Variants in DYDC2 observed in about 807,000 individuals in gnomAD.
The protein encoded by DYDC2 is DPY30 domain-containing protein 2.
DYDC2 carries 19 observed loss-of-function variants against 18.7 expected under a neutral mutation model. The ratio of observed to expected loss-of-function variants is 1.02; its 90% CI spans 0.71 to 1.49. DYDC2 has a LOEUF of 1.49. Ranked by LOEUF, DYDC2 falls within the 40% of genes most tolerant of loss-of-function variation. DYDC2 has a pLI of 0.00. For synonymous variants in DYDC2, 63 were observed against 67.6 expected (o/e 0.93, Z 0.34); for missense variants, 179 against 205.1 (o/e 0.87, Z 0.78).
chr10:80,354,306 G>A (rs1186638993), upstream of DYDC2: 1 of 150,914 alleles, frequency 6.6e-6, no homozygotes, highest in Non-Finnish European at 1.5e-5. Flanking sequence ...GGCCACAATA[G>A]TGAAATGCTG....
intron 4 of DYDC2, among the ~76,000 whole-genome samples, chr10:80,365,717 G>C (rs1003601718): frequency 3.9e-5 from 6 of 152,132 alleles, no homozygotes; most frequent in African/African-American, 1.2e-4. Flanking sequence ...ACTGAAGCTT[G>C]TTTGTTTTTT....
intron 1 of DYDC2, among the ~76,000 whole-genome samples, chr10:80,346,298 A>G (rs569601740): frequency 6.6e-6 from 1 of 152,254 alleles, no homozygotes; most frequent in African/African-American, 2.4e-5. Context: ...TGAGAAGAGG[A>G]ATTACTGGGT....
chr10:80,348,497 G>T (rs10749562), intron 1 of DYDC2, among the ~76,000 whole-genome samples: 119,338 of 152,246 alleles, frequency 0.78, 47,752 homozygotes, highest in East Asian at 0.97. Context: ...CTTTATACAC[G>T]TCCAGTGCTG....
chr10:80,352,239 G>GA (rs1190662772), upstream of DYDC2, among the ~76,000 whole-genome samples: 1 of 152,040 alleles, frequency 6.6e-6, no homozygotes, highest in African/African-American at 2.4e-5. Context: ...TAAATCTATA[G>GA]AAAAAAGACT....
intron 1 of DYDC2, among the ~76,000 whole-genome samples, chr10:80,346,444 C>CTTT (rs1032729095): frequency 0.021 from 1,734 of 83,272 alleles, 155 homozygotes; most frequent in East Asian, 0.085. Flanking sequence ...TCTTCCCTTT[C>CTTT]TTTTTTTTTT....
intron 4 of DYDC2, among the ~76,000 whole-genome samples, chr10:80,363,320 G>A (rs574271544): frequency 6.9e-6 from 1 of 145,798 alleles, no homozygotes; most frequent in East Asian, 2.0e-4. Context: ...GGTGTTACTG[G>A]TTTTAAAAAA....
At chr10:80,352,946 G>T (rs1411098800), upstream of DYDC2, among the ~76,000 whole-genome samples, 3 of 152,040 alleles carry the variant, frequency 2.0e-5, no homozygotes, top group Non-Finnish European at 4.4e-5. Flanking sequence ...TGAAAAATGG[G>T]TATCATCATC....
intron 4 of DYDC2, among the ~76,000 whole-genome samples, chr10:80,363,347 T>C (rs1036753433): frequency 2.3e-5 from 3 of 131,974 alleles, no homozygotes; most frequent in African/African-American, 8.8e-5. Flanking sequence ...TTTTTTTTTT[T>C]TTTTTTTTTT....
At position 80,358,040 on chromosome 10, in the gene DYDC2, C is replaced by T; in HGVS notation, c.-15C>T. 1.0e-6 allele frequency: 1 copy of T among 985,562 alleles called. No individual in the cohort carries two copies. Among genetic ancestry groups the T allele is most frequent in the Non-Finnish European group, 1.2e-6 (1 of 830,072 alleles). The allele number at this position is 985,562 out of a possible 1,614,324, so 61.1% of individuals were successfully genotyped here. ...AAACACTGAAAAATAGCCTCTCCCC[C>T]CATTGGTGAGTGTACCCTAAGTTGG... On this transcript the variant is annotated 5_prime_UTR_variant, in exon 2 of 5. Transcript: ENST00000256039.
chr10:80,352,667 A>T (rs1207653709), upstream of DYDC2: 2 of 1,540,202 alleles, frequency 1.3e-6, no homozygotes, highest in Non-Finnish European at 1.7e-6. Flanking sequence ...GTCACTATAA[A>T]ACTAAAGTCC....
chr10:80,347,798 T>A (rs1046555567), intron 1 of DYDC2, among the ~76,000 whole-genome samples: 1 of 152,240 alleles, frequency 6.6e-6, no homozygotes, highest in Non-Finnish European at 1.5e-5. Context: ...CTCTATTCTG[T>A]TCCACTGGTC....
intron 2 of DYDC2, among the ~76,000 whole-genome samples, chr10:80,359,814 G>T (rs576681050): frequency 1.8e-4 from 28 of 152,250 alleles, no homozygotes; most frequent in Admixed American, 6.5e-4. Context: ...GCGCCCACCC[G>T]GAACTTGCGC....
At position 80,367,079 on chromosome 10, in the gene DYDC2, T is replaced by C; in HGVS notation, c.*128T>C. The C allele has an allele frequency of 8.9e-7, 1 of 1,128,638 alleles. No individual in the cohort carries two copies. 69.9% of individuals were successfully genotyped at this position (1,128,638 alleles called of 1,614,324 possible). On this transcript the variant is annotated 3_prime_UTR_variant, in exon 5 of 5. Transcript: ENST00000256039. ...GGGACTCTCCAGCCTACTCCTTTTC[T>C]GAAAAACCCTTAATCATGTGAACAT...
At chr10:80,358,950 G>A (rs188704848) in intron 2 of DYDC2, among the ~76,000 whole-genome samples, 1 of 152,330 alleles carries the variant, frequency 6.6e-6, no homozygotes, top group Admixed American at 6.5e-5. Context: ...TTTGCAGTGA[G>A]TGTTACAGCT....
chr10:80,359,804 G>A (rs746904211), intron 2 of DYDC2, among the ~76,000 whole-genome samples: 3 of 152,172 alleles, frequency 2.0e-5, no homozygotes, highest in East Asian at 1.9e-4. Context: ...CACCAAGCCC[G>A]CGCCCACCCG....
At chr10:80,363,337 T>G (rs976682645) in intron 4 of DYDC2, among the ~76,000 whole-genome samples, 2 of 9,772 alleles carry the variant, frequency 2.0e-4, no homozygotes, top group African/African-American at 1.8e-3. Flanking sequence ...AAAAAATCTG[T>G]TTTTTTTTTT....
At chr10:80,351,777 T>G in intron 1 of DYDC2, 1 of 831,298 alleles carries the variant, frequency 1.2e-6, no homozygotes, top group East Asian at 2.5e-5. Flanking sequence ...TCCATAAAGA[T>G]GAAGATATTA....
In DYDC2 at chr10:80,356,923, C is replaced by A. The variant is rs1392255426; in HGVS notation, c.-163+98C>A. ...AGCAGGCGGCAGAGTAGAGGGGGCGCGGCAGAGTAGAGGGGGCGCGGCAGA... is the reference window on the plus strand; with the variant it reads ...AGCAGGCGGCAGAGTAGAGGGGGCGAGGCAGAGTAGAGGGGGCGCGGCAGA... On this transcript the variant is annotated intron_variant, in intron 1 of 4. Transcript: ENST00000256039. 1.5e-5 allele frequency: 13 copies of A among 894,890 alleles called. No individual in the cohort carries two copies. In the Admixed American group the frequency reaches 6.9e-4, roughly 47 times the overall value. 55.4% of individuals were successfully genotyped at this position (894,890 alleles called of 1,614,324 possible).
At position 80,347,251 on chromosome 10, in the gene DYDC2, C is replaced by T. The variant is rs188040443; in HGVS notation, c.-310+2436C>T. On this transcript the variant is annotated intron_variant, in intron 1 of 4. Coordinates refer to the DYDC2 transcript ENST00000372197. ...CCTTGGAGAAATGTCTATTTAGGTC[C>T]TTTGCCCATTTTTTAATTGGGATCC... 3.7e-3 allele frequency among the ~76,000 whole-genome samples: 485 copies of T among 129,372 alleles called. 1 individual carries two copies. Among genetic ancestry groups the T allele is most frequent in the Non-Finnish European group, 5.1e-3 (306 of 60,284 alleles). 84.9% of individuals were successfully genotyped at this position (129,372 alleles called of 152,430 possible). A position where few individuals can be genotyped will look rare whatever the true frequency, so the allele number is the denominator to read the frequency against.
Sources: gnomAD v4.1 joint callset for allele counts (sites outside exome capture counted in the v4.1 genomes callset) on GRCh38, gnomAD v4.1.1 for gene constraint, MANE v1.5 for transcripts, NCBI Gene and HGNC (gene_info 2026-07-23, HGNC 2026-07-21) for gene names.